RNF150: variants seen among roughly 807,000 people sequenced by gnomAD.
RNF150 encodes the protein ring finger protein 150.
Under a neutral mutation model 39.3 loss-of-function variants are expected in RNF150, and 24 were observed. That is an observed-to-expected ratio of 0.61 (90% CI 0.44 to 0.86). The LOEUF (loss-of-function observed/expected upper bound fraction) is 0.86, where lower values mean the gene tolerates loss of function less well. RNF150 is among the 40% of genes least tolerant of loss of function. The pLI, the probability that RNF150 is intolerant of heterozygous loss-of-function variation, is 0.00. For missense variants in RNF150, 502 were observed against 587.8 expected (o/e 0.85, Z 1.51); for synonymous variants, 255 against 227.3 (o/e 1.12, Z -1.10).
At chr4:141,006,037 C>A (rs1172609594) in intron 1 of RNF150, among the ~76,000 whole-genome samples, 1 of 128,180 alleles carries the variant, frequency 7.8e-6, no homozygotes. Context: ...CCACTGCACT[C>A]CAGCCTGGGC....
chr4:141,027,612 A>G (rs1735749588), intron 1 of RNF150, among the ~76,000 whole-genome samples: 1 of 152,150 alleles, frequency 6.6e-6, no homozygotes, highest in Admixed American at 6.5e-5. Context: ...AGTATGTGCC[A>G]CTTCCCAGTC....
rs113438722 is a variant in RNF150 at position 141,084,731 on chromosome 4, T to C, written c.484+47594A>G. Among the ~76,000 whole-genome samples the C allele has an allele frequency of 2.6e-5, 4 of 152,370 alleles. No individual in the cohort carries two copies. The South Asian group carries it at 6.2e-4, about 24-fold the overall frequency. On this transcript the variant is annotated intron_variant, in intron 1 of 6. Transcript: ENST00000515673. ...ATGATGGTGAAATAAAGATTCACTT[T>C]GTCAAAATTTGGGTTGGACAGTGTG...
intron 5 of RNF150, among the ~76,000 whole-genome samples, chr4:140,919,958 T>C (rs1160855979): frequency 3.3e-5 from 5 of 152,154 alleles, no homozygotes; most frequent in Non-Finnish European, 5.9e-5. Flanking sequence ...ATTTAATAAA[T>C]GGTGCTGGGA....
chr4:141,128,930 T>G (rs1371818042), intron 1 of RNF150, among the ~76,000 whole-genome samples: 1 of 152,212 alleles, frequency 6.6e-6, no homozygotes, highest in Non-Finnish European at 1.5e-5. Flanking sequence ...AGATGCCACT[T>G]CACATCCACT....
At chr4:140,950,305 CT>C (rs772489380) in intron 2 of RNF150, among the ~76,000 whole-genome samples, 2 of 152,116 alleles carry the variant, frequency 1.3e-5, no homozygotes, top group Non-Finnish European at 2.9e-5. Context: ...AATTTTGTTC[CT>C]TTTGGAAAAA....
intron 1 of RNF150, among the ~76,000 whole-genome samples, chr4:141,208,134 A>T (rs1007807269): frequency 3.3e-5 from 5 of 152,228 alleles, no homozygotes; most frequent in African/African-American, 1.2e-4. Context: ...TGTCTGCAGT[A>T]TTCCTGCCTT....
At position 141,041,924 on chromosome 4, in the gene RNF150, T is replaced by C. The variant is rs147127416; in HGVS notation, c.485-74051A>G. Among the ~76,000 whole-genome samples the C allele has an allele frequency of 1.6e-3, 237 of 152,120 alleles. 2 individuals carry two copies. Among genetic ancestry groups the C allele is most frequent in the African/African-American group, 5.1e-3 (213 of 41,550 alleles). Reference sequence around the variant, plus strand: ...GAAATGGCAGATGCTGGGAAAAATATATAATCTAATTTATTTTCAAAGAAT... The same window carrying C: ...GAAATGGCAGATGCTGGGAAAAATACATAATCTAATTTATTTTCAAAGAAT... On this transcript the variant is annotated intron_variant, in intron 1 of 6. Transcript: ENST00000515673.
chr4:140,934,564 A>G (rs2111341540), intron 4 of RNF150, among the ~76,000 whole-genome samples: 1 of 152,326 alleles, frequency 6.6e-6, no homozygotes, highest in African/African-American at 2.4e-5. Context: ...CAAGTTTGGA[A>G]AGTAATATCC....
chr4:141,007,053 A>G (rs1464914379), intron 1 of RNF150, among the ~76,000 whole-genome samples: 4 of 152,198 alleles, frequency 2.6e-5, no homozygotes, highest in African/African-American at 7.2e-5. Context: ...CAATCTTTGC[A>G]TTGTATTACT....
intron 1 of RNF150, among the ~76,000 whole-genome samples, chr4:141,021,251 CT>C (rs1464414097): frequency 6.6e-6 from 1 of 151,976 alleles, no homozygotes; most frequent in Admixed American, 6.6e-5. Flanking sequence ...AGGATTCTTG[CT>C]AAAAATAGGA....
chr4:141,027,943 T>TG (rs1735782366), intron 1 of RNF150, among the ~76,000 whole-genome samples: 1 of 136,402 alleles, frequency 7.3e-6, no homozygotes, highest in Non-Finnish European at 1.6e-5. Flanking sequence ...TTTTTTTTTT[T>TG]TTTTTTTTTC....
At chr4:141,167,391 A>G (rs983542992) in intron 1 of RNF150, among the ~76,000 whole-genome samples, 4 of 152,214 alleles carry the variant, frequency 2.6e-5, no homozygotes, top group Non-Finnish European at 5.9e-5. Context: ...TATAGACTCA[A>G]TGGTATTCCT....
At chr4:141,099,738 T>C (rs926124813) in intron 1 of RNF150, among the ~76,000 whole-genome samples, 5 of 152,120 alleles carry the variant, frequency 3.3e-5, no homozygotes, top group Non-Finnish European at 7.4e-5. Flanking sequence ...AGGGAGTGAT[T>C]TGACATGATG....
chr4:140,910,655 G>A (rs1416302112), intron 6 of RNF150, among the ~76,000 whole-genome samples: 2 of 152,184 alleles, frequency 1.3e-5, no homozygotes, highest in Non-Finnish European at 2.9e-5. Context: ...GCAGCCTCTT[G>A]TCCGTGGTCC....
At position 141,019,787 on chromosome 4, in the gene RNF150, A is replaced by AT. The variant is rs1560692076; in HGVS notation, c.485-51915dup. ...TACAGATGTTTCCGGCAGCAAGGTT[A>AT]TTTTTTTGGTCCTCTGATGGACCTC... On this transcript the variant is annotated intron_variant, in intron 1 of 6. Transcript: ENST00000515673. Among the ~76,000 whole-genome samples, 3 of 152,242 alleles carry AT rather than the reference A, an allele frequency of 2.0e-5. No homozygotes were observed. In the South Asian group the frequency reaches 6.2e-4, roughly 32 times the overall value.
chr4:141,116,080 G>A (rs1022177394), intron 1 of RNF150, among the ~76,000 whole-genome samples: 2 of 152,144 alleles, frequency 1.3e-5, no homozygotes, highest in African/African-American at 4.8e-5. Context: ...ACATAGGCAT[G>A]GGCAAAGACT....
intron 1 of RNF150, among the ~76,000 whole-genome samples, chr4:141,064,650 T>A (rs912701914): frequency 6.6e-6 from 1 of 152,118 alleles, no homozygotes; most frequent in African/African-American, 2.4e-5. Flanking sequence ...AAGATAATTA[T>A]GTTTACACTG....
rs143092768 is a variant in RNF150 at position 140,875,974 on chromosome 4, T to C, written c.1199-7595A>G. Among the ~76,000 whole-genome samples, 670 of 152,290 alleles carry C rather than the reference T, an allele frequency of 4.4e-3. 3 individuals are homozygous for C. The highest frequency in any genetic ancestry group is 6.7e-3 in the Admixed American group (103 of 15,306). On this transcript the variant is annotated intron_variant, in intron 6 of 6. Transcript: ENST00000515673. ...CTCCTCTGTTAGGAATTAACAAACA[T>C]TGCCCTCAGAATAAGTGCTCTCTGT...
intron 1 of RNF150, among the ~76,000 whole-genome samples, chr4:141,084,531 A>G (rs759888816): frequency 2.6e-5 from 4 of 152,242 alleles, no homozygotes; most frequent in Non-Finnish European, 1.5e-5. Context: ...CAAAATAACG[A>G]AAAACACTTT....
Sources: allele counts gnomAD v4.1 joint callset (sites outside exome capture counted in the v4.1 genomes callset), GRCh38; gene constraint gnomAD v4.1.1; transcripts MANE v1.5; gene names NCBI Gene and HGNC (gene_info 2026-07-23, HGNC 2026-07-21).